Variants in ARID1B observed in about 807,000 individuals in gnomAD.
The protein encoded by ARID1B is AT-rich interaction domain 1B.
Under a neutral mutation model 212.3 loss-of-function variants are expected in ARID1B, and 30 were observed. The ratio of observed to expected loss-of-function variants is 0.14; its 90% confidence interval spans 0.11 to 0.19. The LOEUF (loss-of-function observed/expected upper bound fraction) is 0.19. Among genes scored for constraint, ARID1B ranks in the 10% least tolerant of loss-of-function variants. The probability of loss-of-function intolerance (pLI) is 1.00; values close to 1 mark genes in which losing one functional copy is unlikely to be tolerated. For synonymous variants in ARID1B, 1,402 were observed against 1,301.7 expected (o/e 1.08, Z -1.66); for missense variants, 2,891 against 3,204.0 (o/e 0.90, Z 2.36).
At chr6:157,069,049 T>A (rs1783854000) in intron 4 of ARID1B, among the ~76,000 whole-genome samples, 1 of 152,198 alleles carries the variant, frequency 6.6e-6, no homozygotes. Context: ...CTGAGTGAAA[T>A]GTAGCGTCCC....
intron 1 of ARID1B, among the ~76,000 whole-genome samples, chr6:156,796,146 G>T (rs1289383417): frequency 6.6e-6 from 1 of 152,116 alleles, no homozygotes; most frequent in Non-Finnish European, 1.5e-5. Flanking sequence ...TTTTAGCTTA[G>T]AATTAAATGA....
chr6:156,921,195 T>C (rs1206251227), intron 3 of ARID1B, among the ~76,000 whole-genome samples: 3 of 152,202 alleles, frequency 2.0e-5, no homozygotes, highest in Non-Finnish European at 4.4e-5. Flanking sequence ...TTGGAGGTGT[T>C]CATTTTAACA....
At chr6:156,860,485 C>T (rs191432632) in intron 2 of ARID1B, among the ~76,000 whole-genome samples, 4 of 152,038 alleles carry the variant, frequency 2.6e-5, no homozygotes, top group East Asian at 3.9e-4. Context: ...ACCATTAAAT[C>T]GTGGGATTTA....
intron 2 of ARID1B, among the ~76,000 whole-genome samples, chr6:156,860,339 C>CT (rs34274512): frequency 0.61 from 88,966 of 146,728 alleles, 26,971 homozygotes; most frequent in Non-Finnish European, 0.66. Flanking sequence ...TCAGTGTCTT[C>CT]TTTTTTTTTT....
At chr6:157,055,232 T>C (rs1237866839) in intron 4 of ARID1B, among the ~76,000 whole-genome samples, 1 of 152,252 alleles carries the variant, frequency 6.6e-6, no homozygotes, top group East Asian at 1.9e-4. Flanking sequence ...TCCAATAATA[T>C]GCTGCTATAG....
chr6:156,988,587 AGAGG>A (rs1778080017), intron 4 of ARID1B, among the ~76,000 whole-genome samples: 1 of 152,194 alleles, frequency 6.6e-6, no homozygotes, highest in Non-Finnish European at 1.5e-5. Context: ...AAGGACTGCC[AGAGG>A]AGCTTTCTTA....
At chr6:157,143,778 G>A (rs1789537347) in intron 7 of ARID1B, among the ~76,000 whole-genome samples, 1 of 152,218 alleles carries the variant, frequency 6.6e-6, no homozygotes, top group South Asian at 2.1e-4. Context: ...AGGCACGTGA[G>A]TCTAATGAGG....
chr6:156,808,924 C>G lies in ARID1B; in HGVS notation c.1792-20303C>G, dbSNP rs370217648. Among the ~76,000 whole-genome samples the G allele has an allele frequency of 5.3e-5, 8 of 152,282 alleles. No homozygotes were observed. The East Asian group carries it at 1.4e-3, about 26-fold the overall frequency. Reference sequence around the variant, plus strand: ...AGAAATGTCTTAAGATTTGTACACACGAGTTTGTTTTATCTGTGTGACTCT... The same window carrying G: ...AGAAATGTCTTAAGATTTGTACACAGGAGTTTGTTTTATCTGTGTGACTCT... On this transcript the variant is annotated intron_variant, in intron 1 of 19. Coordinates refer to ENST00000636930, the MANE Select transcript of ARID1B (RefSeq NM_001374828.1).
chr6:157,064,564 A>G (rs1783553221), intron 4 of ARID1B, among the ~76,000 whole-genome samples: 1 of 152,184 alleles, frequency 6.6e-6, no homozygotes, highest in African/African-American at 2.4e-5. Context: ...GAGCACTTAT[A>G]ACCCAATCCA....
intron 3 of ARID1B, among the ~76,000 whole-genome samples, chr6:156,934,938 A>AGTT (rs1792060757): frequency 1.1e-5 from 1 of 93,766 alleles, no homozygotes; most frequent in Non-Finnish European, 2.4e-5. Flanking sequence ...ATATATATAT[A>AGTT]TATATATATA....
chr6:156,806,015 C>T (rs1204854343), intron 1 of ARID1B, among the ~76,000 whole-genome samples: 4 of 152,102 alleles, frequency 2.6e-5, no homozygotes, highest in Non-Finnish European at 5.9e-5. Context: ...GTGAGTTCCC[C>T]CTCACTCCAG....
chr6:157,010,660 T>C (rs1196985864), intron 4 of ARID1B, among the ~76,000 whole-genome samples: 1 of 151,564 alleles, frequency 6.6e-6, no homozygotes, highest in Admixed American at 6.6e-5. Flanking sequence ...TTTTTTGTTG[T>C]TGTTGTTTTT....
rs1352475282 is a variant in ARID1B at position 156,779,644 on chromosome 6, G to T, written c.1791+173G>T. 9.2e-6 allele frequency: 5 copies of T among 544,084 alleles called. No homozygotes were observed. The South Asian group carries it at 4.2e-4, about 45-fold the overall frequency. 33.7% of individuals were successfully genotyped at this position (544,084 alleles called of 1,614,324 possible). ...CCTCCCGCCGCGGTCGGGGCGCCCCGGGGGCCGGCGCGCTGTCCAGGCCTG... is the reference window on the plus strand; with the variant it reads ...CCTCCCGCCGCGGTCGGGGCGCCCCTGGGGCCGGCGCGCTGTCCAGGCCTG... On this transcript the variant is annotated intron_variant, in intron 1 of 19. Transcript: ENST00000636930.
At chr6:156,953,637 A>T (rs1230411100) in intron 4 of ARID1B, among the ~76,000 whole-genome samples, 2 of 152,232 alleles carry the variant, frequency 1.3e-5, no homozygotes, top group African/African-American at 4.8e-5. Context: ...CGTCCGCCTC[A>T]TAACCTTCCT....
chr6:157,045,257 T>C (rs2128540037), intron 4 of ARID1B, among the ~76,000 whole-genome samples: 1 of 152,360 alleles, frequency 6.6e-6, no homozygotes, highest in Non-Finnish European at 1.5e-5. Context: ...TTGCCTAAGA[T>C]ATGCCCCAGG....
chr6:156,824,035 G>T (rs1376152226), intron 1 of ARID1B, among the ~76,000 whole-genome samples: 3 of 152,098 alleles, frequency 2.0e-5, no homozygotes, highest in Non-Finnish European at 2.9e-5. Context: ...TAGCTGAATT[G>T]TGCTACCCAA....
rs184799747 is a variant in ARID1B at position 157,190,403 on chromosome 6, C to T, written c.4231+193C>T. ...CCTCTTTGTGCCCTCATCCTGTCCC[C>T]GGCTGGCCTCAGTGCCCTCAGCCTG... On this transcript the variant is annotated intron_variant, in intron 15 of 19. Coordinates refer to ENST00000636930, the MANE Select transcript of ARID1B (RefSeq NM_001374828.1). This position sits in a 1 kb window ranked among gnomAD's most constrained non-coding sequence, Gnocchi z 4.6. 4.6e-5 allele frequency among the ~76,000 whole-genome samples: 7 copies of T among 152,368 alleles called. No individual in the cohort carries two copies. Among genetic ancestry groups the T allele is most frequent in the Admixed American group, 1.3e-4 (2 of 15,310 alleles).
Position 156,777,652 on chromosome 6 carries a change from C to G in ARID1B, c.-29C>G, listed in dbSNP as rs865783303. 1 of 148,966 alleles carries G rather than the reference C, an allele frequency of 6.7e-6. No individual in the cohort carries two copies. Among genetic ancestry groups the G allele is most frequent in the South Asian group, 2.0e-4 (1 of 4,932 alleles). The allele number at this position is 148,966 out of a possible 1,614,324, so 9.2% of individuals were successfully genotyped here. ...GGGGGTTATTGTCTCCCCCCGCCCC[C>G]CGCCCGGCCTCGCCACGCCGCGGCG... On this transcript the variant is annotated 5_prime_UTR_variant, in exon 1 of 20. Coordinates refer to ENST00000636930, the MANE Select transcript of ARID1B (RefSeq NM_001374828.1).
intron 5 of ARID1B, among the ~76,000 whole-genome samples, chr6:157,093,969 C>T (rs1583294952): frequency 6.6e-6 from 1 of 152,202 alleles, no homozygotes; most frequent in East Asian, 1.9e-4. Flanking sequence ...CCTCGTGAAA[C>T]TTAAAGTCTA....
Sources: allele counts gnomAD v4.1 joint callset (sites outside exome capture counted in the v4.1 genomes callset), GRCh38; gene constraint gnomAD v4.1.1; non-coding constraint Gnocchi (gnomAD v3.1); transcripts MANE v1.5; gene names NCBI Gene and HGNC (gene_info 2026-07-23, HGNC 2026-07-21).